SUCLG2: variants seen among roughly 807,000 people sequenced by gnomAD.
SUCLG2 encodes the protein succinate-CoA ligase GDP-forming subunit beta, also known as succinate--CoA ligase [GDP-forming] subunit beta, mitochondrial.
In SUCLG2, 42 loss-of-function variants were observed where a neutral mutation model predicts 47.9. That is an observed-to-expected ratio of 0.88 (90% CI 0.69 to 1.14). The LOEUF is 1.14. SUCLG2 is among the 50% of genes most tolerant of loss of function. SUCLG2 has a pLI of 0.00. For missense variants in SUCLG2, 571 were observed against 525.9 expected, an observed-to-expected ratio of 1.09 and a Z score of -0.84; for synonymous variants, 195 against 197.3, an observed-to-expected ratio of 0.99 and a Z score of 0.10.
chr3:67,610,455 A>G (rs867826680), intron 1 of SUCLG2, among the ~76,000 whole-genome samples: 2 of 152,132 alleles, frequency 1.3e-5, no homozygotes, highest in Non-Finnish European at 2.9e-5. Flanking sequence ...ATTTTATCCA[A>G]TAATATCAAC....
chr3:67,418,135 G>A (rs1345622414), intron 9 of SUCLG2, among the ~76,000 whole-genome samples: 1 of 152,042 alleles, frequency 6.6e-6, no homozygotes. Flanking sequence ...TAACTTCTTT[G>A]GGCCTCAGTT....
chr3:67,646,300 G>A (rs953218525), intron 1 of SUCLG2, among the ~76,000 whole-genome samples: 7 of 152,040 alleles, frequency 4.6e-5, no homozygotes, highest in African/African-American at 9.7e-5. Flanking sequence ...AGACAATATC[G>A]AAACAATAAA....
At chr3:67,512,391 A>G (rs1404792328) in intron 6 of SUCLG2, among the ~76,000 whole-genome samples, 1 of 151,022 alleles carries the variant, frequency 6.6e-6, no homozygotes, top group African/African-American at 2.5e-5. Flanking sequence ...TAGGTCATCA[A>G]TGTGACCTTG....
chr3:67,400,206 A>T (rs907309254), intron 10 of SUCLG2, among the ~76,000 whole-genome samples: 12 of 151,934 alleles, frequency 7.9e-5, no homozygotes, highest in Non-Finnish European at 1.6e-4. Flanking sequence ...CTTACTAAAA[A>T]TTTTTTAAAA....
At chr3:67,518,435 T>C (rs984082955) in intron 5 of SUCLG2, 99 bp from the exon 6 acceptor site, 2 of 1,116,630 alleles carry the variant, frequency 1.8e-6, no homozygotes, top group African/African-American at 1.6e-5. Context: ...AAATGAGTAA[T>C]TAAAGTGTGG....
intron 1 of SUCLG2, among the ~76,000 whole-genome samples, chr3:67,622,368 G>A (rs1700750397): frequency 6.6e-6 from 1 of 152,206 alleles, no homozygotes; most frequent in Non-Finnish European, 1.5e-5. Flanking sequence ...TTTGGAAGGT[G>A]ACATGCCAAG....
At chr3:67,610,217 G>C (rs955781662) in intron 1 of SUCLG2, among the ~76,000 whole-genome samples, 5 of 152,148 alleles carry the variant, frequency 3.3e-5, no homozygotes, top group Non-Finnish European at 7.3e-5. Flanking sequence ...AGTCTGGGTA[G>C]GGCCATTGTG....
chr3:67,503,177 C>G (rs1166022260), intron 7 of SUCLG2, among the ~76,000 whole-genome samples: 1 of 152,116 alleles, frequency 6.6e-6, no homozygotes, highest in Admixed American at 6.5e-5. Flanking sequence ...TGGTCCTTGA[C>G]AGAAAAAGTT....
At chr3:67,462,163 ATC>A (rs138933638) in intron 9 of SUCLG2, among the ~76,000 whole-genome samples, 68 of 149,346 alleles carry the variant, frequency 4.6e-4, no homozygotes, top group African/African-American at 1.3e-3. Context: ...TCAAAAAACA[ATC>A]TCTCTCTCTC....
At chr3:67,531,418 G>A (rs1340028850) in intron 2 of SUCLG2, among the ~76,000 whole-genome samples, 1 of 152,074 alleles carries the variant, frequency 6.6e-6, no homozygotes, top group African/African-American at 2.4e-5. Flanking sequence ...TACCTAATTG[G>A]GCATTGTTAA....
intron 9 of SUCLG2, among the ~76,000 whole-genome samples, chr3:67,466,035 C>T (rs960407988): frequency 7.9e-5 from 12 of 152,122 alleles, no homozygotes; most frequent in East Asian, 3.9e-4. Flanking sequence ...ACAGCCCTTA[C>T]GTTGTATCTG....
chr3:67,582,063 G>C (rs1336118930), intron 2 of SUCLG2, among the ~76,000 whole-genome samples: 1 of 152,116 alleles, frequency 6.6e-6, no homozygotes, highest in African/African-American at 2.4e-5. Flanking sequence ...CACTTAATAA[G>C]TACCAGAGAA....
chr3:67,601,695 A>T (rs1432478863), intron 2 of SUCLG2, among the ~76,000 whole-genome samples: 1 of 152,196 alleles, frequency 6.6e-6, no homozygotes, highest in African/African-American at 2.4e-5. Flanking sequence ...CAAGTCGGCC[A>T]GGCCTATAAT....
chr3:67,644,421 T>C (rs1701156642), intron 1 of SUCLG2, among the ~76,000 whole-genome samples: 1 of 152,136 alleles, frequency 6.6e-6, no homozygotes, highest in South Asian at 2.1e-4. Context: ...ATAAGGTTCC[T>C]AGAGTAGGCA....
At chr3:67,413,570 C>A (rs1351773405) in intron 9 of SUCLG2, among the ~76,000 whole-genome samples, 2 of 152,190 alleles carry the variant, frequency 1.3e-5, no homozygotes, top group Non-Finnish European at 2.9e-5. Context: ...TTCTACTAAG[C>A]AAATAAACTG....
At chr3:67,473,478 C>T (rs1704655088) in intron 9 of SUCLG2, among the ~76,000 whole-genome samples, 1 of 151,592 alleles carries the variant, frequency 6.6e-6, no homozygotes, top group Non-Finnish European at 1.5e-5. Context: ...CTTAGAATTC[C>T]AAAAAGAATG....
At chr3:67,388,143 T>A (rs1025899978) in intron 10 of SUCLG2, among the ~76,000 whole-genome samples, 1 of 152,166 alleles carries the variant, frequency 6.6e-6, no homozygotes, top group Non-Finnish European at 1.5e-5. Context: ...GTCCACTGTA[T>A]CATGAAGGAA....
intron 9 of SUCLG2, among the ~76,000 whole-genome samples, chr3:67,490,979 C>T (rs1162884951): frequency 1.3e-5 from 2 of 151,936 alleles, no homozygotes; most frequent in Non-Finnish European, 2.9e-5. Flanking sequence ...TACATGATTC[C>T]AGTGATATTA....
intron 1 of SUCLG2, among the ~76,000 whole-genome samples, chr3:67,622,208 G>A (rs1431390708): frequency 6.6e-6 from 1 of 152,214 alleles, no homozygotes; most frequent in African/African-American, 2.4e-5. Flanking sequence ...CTTGAAATAT[G>A]TCAATGCAAA....
Sources: gnomAD v4.1 joint callset for allele counts (sites outside exome capture counted in the v4.1 genomes callset) on GRCh38, gnomAD v4.1.1 for gene constraint, MANE v1.5 for transcripts, NCBI Gene and HGNC (gene_info 2026-07-23, HGNC 2026-07-21) for gene names.